TPRG1: variants seen among roughly 807,000 people sequenced by gnomAD.
TPRG1 encodes tumor protein p63-regulated gene 1 protein.
In TPRG1, 29 loss-of-function variants were observed where a neutral mutation model predicts 29.3. The observed-to-expected ratio is 0.99, with a 90% CI of 0.74 to 1.35. The LOEUF is 1.35. TPRG1 is among the 40% of genes most tolerant of loss of function. The pLI is 0.00. For missense variants in TPRG1, 327 were observed against 335.0 expected, an observed-to-expected ratio of 0.98 and a Z score of 0.19; for synonymous variants, 130 against 116.8, an observed-to-expected ratio of 1.11 and a Z score of -0.73.
intron 4 of TPRG1, among the ~76,000 whole-genome samples, chr3:189,083,479 G>C (rs1023959114): frequency 3.9e-5 from 6 of 152,348 alleles, no homozygotes; most frequent in Admixed American, 3.9e-4. Context: ...AACCACTGGA[G>C]CAGGGAAGGG....
intron 4 of TPRG1, among the ~76,000 whole-genome samples, chr3:189,291,926 C>G (rs896384053): frequency 2.0e-5 from 3 of 152,138 alleles, no homozygotes; most frequent in African/African-American, 7.2e-5. Context: ...CAGAGACATC[C>G]CAGAGCTCTG....
At chr3:189,196,703 G>A (rs1732590352) in intron 1 of TPRG1, among the ~76,000 whole-genome samples, 1 of 151,882 alleles carries the variant, frequency 6.6e-6, no homozygotes, top group Non-Finnish European at 1.5e-5. Flanking sequence ...ATTTGGGTGG[G>A]GACACAGCCA....
intron 4 of TPRG1, among the ~76,000 whole-genome samples, chr3:189,072,926 AAG>A (rs1481676245): frequency 6.6e-6 from 1 of 152,162 alleles, no homozygotes; most frequent in Non-Finnish European, 1.5e-5. Context: ...GAGCCCCTTC[AAG>A]CATGCTTCTG....
chr3:189,082,946 C>G (rs1717699536), intron 4 of TPRG1, among the ~76,000 whole-genome samples: 1 of 152,140 alleles, frequency 6.6e-6, no homozygotes, highest in Non-Finnish European at 1.5e-5. Context: ...TGTTTTTTAC[C>G]TGAAGGAAGA....
chr3:189,062,294 A>G (rs554514458), intron 4 of TPRG1, among the ~76,000 whole-genome samples: 22 of 152,122 alleles, frequency 1.4e-4, no homozygotes, highest in Non-Finnish European at 2.8e-4. Context: ...TTGAGGGTAG[A>G]GGACTGAGGA....
chr3:189,218,697 C>G (rs80051487), intron 3 of TPRG1, among the ~76,000 whole-genome samples: 2,609 of 152,242 alleles, frequency 0.017, 78 homozygotes, highest in African/African-American at 0.059. Context: ...GAAATGTGGG[C>G]TGGAGAACAT....
At chr3:189,089,773 T>G (rs1281389527) in intron 4 of TPRG1, among the ~76,000 whole-genome samples, 1 of 152,204 alleles carries the variant, frequency 6.6e-6, no homozygotes, top group Non-Finnish European at 1.5e-5. Context: ...GATAATCAAA[T>G]CACCTTTTAA....
intron 4 of TPRG1, among the ~76,000 whole-genome samples, chr3:189,251,470 GA>G (rs1742245723): frequency 6.6e-6 from 1 of 152,112 alleles, no homozygotes; most frequent in Non-Finnish European, 1.5e-5. Context: ...TATAGAGAAA[GA>G]AATAAGGGGG....
At chr3:189,296,175 C>T (rs1016014827) in intron 4 of TPRG1, among the ~76,000 whole-genome samples, 1 of 152,212 alleles carries the variant, frequency 6.6e-6, no homozygotes, top group Non-Finnish European at 1.5e-5. Context: ...TTCTCTGCCT[C>T]ACAATTTCTG....
At chr3:189,086,842 C>A (rs867175375) in intron 4 of TPRG1, among the ~76,000 whole-genome samples, 43 of 152,206 alleles carry the variant, frequency 2.8e-4, no homozygotes, top group South Asian at 2.1e-4. Flanking sequence ...TGAAGTCATC[C>A]TTTTTATGGC....
intron 4 of TPRG1, among the ~76,000 whole-genome samples, chr3:189,043,191 A>G (rs750266065): frequency 2.6e-5 from 4 of 152,218 alleles, no homozygotes; most frequent in Non-Finnish European, 5.9e-5. Context: ...AATCTAAACC[A>G]CAAAATATTG....
At chr3:189,312,007 A>C (rs1273618102) in intron 5 of TPRG1, among the ~76,000 whole-genome samples, 2 of 152,102 alleles carry the variant, frequency 1.3e-5, no homozygotes, top group Non-Finnish European at 2.9e-5. Flanking sequence ...ATTAATAATA[A>C]CACATTAATG....
chr3:189,310,861 G>A (rs766344589), intron 5 of TPRG1, among the ~76,000 whole-genome samples: 5 of 151,938 alleles, frequency 3.3e-5, no homozygotes, highest in Non-Finnish European at 7.4e-5. Context: ...TTTATTCATG[G>A]AAGTGTGGAA....
intron 1 of TPRG1, among the ~76,000 whole-genome samples, chr3:189,175,803 C>G (rs1729414994): frequency 6.6e-6 from 1 of 152,134 alleles, no homozygotes; most frequent in African/African-American, 2.4e-5. Context: ...GAAAAGGTTT[C>G]TCTCTCTCAA....
Position 189,072,897 on chromosome 3 carries a change from G to C in TPRG1, c.-463+48951G>C, listed in dbSNP as rs567723135. ...TCTCATTAATTTCCTTACTCACATC[G>C]TCCCAGATATCAAAGTGGGAGCCCC... On this transcript the variant is annotated intron_variant, in intron 4 of 10. Transcript: ENST00000433971. 1.4e-3 allele frequency among the ~76,000 whole-genome samples: 207 copies of C among 151,970 alleles called. 5 individuals are homozygous for C. Among genetic ancestry groups the C allele is most frequent in the Admixed American group, 0.013 (205 of 15,268 alleles).
chr3:189,040,684 C>G (rs149473636), intron 4 of TPRG1, among the ~76,000 whole-genome samples: 51 of 152,248 alleles, frequency 3.3e-4, no homozygotes, highest in African/African-American at 1.2e-3. Context: ...CAACCTTGTA[C>G]CATTGTCTGT....
chr3:189,026,871 A>G (rs1298500827), intron 4 of TPRG1, among the ~76,000 whole-genome samples: 2 of 152,196 alleles, frequency 1.3e-5, no homozygotes, highest in African/African-American at 4.8e-5. Flanking sequence ...GTAGGAGGCA[A>G]CATGGCGTGT....
Position 189,323,875 on chromosome 3 carries a change from C to T in TPRG1, c.*3055C>T, listed in dbSNP as rs543429402. On this transcript the variant is annotated 3_prime_UTR_variant, in exon 6 of 6. Transcript: ENST00000345063. ...ATTCAGGAATTTCCACTTGAAAAAT[C>T]TCTGATAAGCTTTATTTCAGAAACT... is the stretch of plus-strand genomic sequence containing the variant. 2.0e-5 allele frequency: 3 copies of T among 152,274 alleles called. No individual in the cohort carries two copies. Among genetic ancestry groups the T allele is most frequent in the African/African-American group, 7.2e-5 (3 of 41,568 alleles). The allele number at this position is 152,274 out of a possible 1,614,324, so 9.4% of individuals were successfully genotyped here.
intron 1 of TPRG1, among the ~76,000 whole-genome samples, chr3:189,206,080 T>TTTC (rs1553922133): frequency 7.0e-6 from 1 of 143,212 alleles, no homozygotes; most frequent in African/African-American, 2.6e-5. Context: ...CTTTCTTTCT[T>TTTC]TTTCTTTCTT....
Sources: gnomAD v4.1 joint callset for allele counts (sites outside exome capture counted in the v4.1 genomes callset) on GRCh38, gnomAD v4.1.1 for gene constraint, MANE v1.5 for transcripts, NCBI Gene and HGNC (gene_info 2026-07-23, HGNC 2026-07-21) for gene names.